The following CCSER1 variants were observed in gnomAD, a reference collection of about 807,000 sequenced individuals.
The protein encoded by CCSER1 is coiled-coil serine rich protein 1.
Under a neutral mutation model 82.0 loss-of-function variants are expected in CCSER1, and 41 were observed. The ratio of observed to expected loss-of-function variants is 0.50; its 90% CI spans 0.39 to 0.65. The LOEUF (loss-of-function observed/expected upper bound fraction) is 0.65. Ranked by LOEUF, CCSER1 falls within the 30% of genes least tolerant of loss-of-function variation. The probability of loss-of-function intolerance (pLI) is 0.00; values close to 1 mark genes in which losing one functional copy is unlikely to be tolerated. For missense variants in CCSER1, 1,119 were observed against 1,064.2 expected, an observed-to-expected ratio of 1.05 and a Z score of -0.72; for synonymous variants, 414 against 383.9, an observed-to-expected ratio of 1.08 and a Z score of -0.92.
At chr4:91,269,682 G>A (rs72877045) in intron 10 of CCSER1, among the ~76,000 whole-genome samples, 2,467 of 152,176 alleles carry the variant, frequency 0.016, 69 homozygotes, top group African/African-American at 0.057. Context: ...CAGAAGTTGA[G>A]CATTCTTCTG....
chr4:91,200,305 A>T (rs1435211316), intron 10 of CCSER1, among the ~76,000 whole-genome samples: 1 of 151,982 alleles, frequency 6.6e-6, no homozygotes, highest in African/African-American at 2.4e-5. Context: ...TTTTTTTTGG[A>T]TGGATCATTT....
chr4:91,576,116 G>A (rs995970623), intron 10 of CCSER1, among the ~76,000 whole-genome samples: 1 of 151,864 alleles, frequency 6.6e-6, no homozygotes, highest in Non-Finnish European at 1.5e-5. Context: ...GTCCACTGAT[G>A]GACGAATGGA....
chr4:90,262,416 T>C (rs1367332190), intron 1 of CCSER1, among the ~76,000 whole-genome samples: 2 of 152,218 alleles, frequency 1.3e-5, no homozygotes, highest in African/African-American at 4.8e-5. Context: ...GTACTTGATG[T>C]GTGGGCAAGT....
At chr4:90,299,187 G>A (rs1191023350) in intron 1 of CCSER1, among the ~76,000 whole-genome samples, 2 of 151,846 alleles carry the variant, frequency 1.3e-5, no homozygotes, top group African/African-American at 2.4e-5. Context: ...CTTCCCTTTT[G>A]TAGCTTTTCC....
intron 10 of CCSER1, among the ~76,000 whole-genome samples, chr4:91,221,723 T>C (rs1198878467): frequency 6.6e-6 from 1 of 152,154 alleles, no homozygotes; most frequent in Non-Finnish European, 1.5e-5. Context: ...TCAGGTTCAC[T>C]GCCAAGCATT....
rs182747052 is a variant in CCSER1 at position 90,888,413 on chromosome 4, A to G, written c.2095-34957A>G. 2.6e-5 allele frequency among the ~76,000 whole-genome samples: 4 copies of G among 152,298 alleles called. No individual in the cohort carries two copies. In the East Asian group the frequency reaches 5.8e-4, roughly 22 times the overall value. ...AAGGGCAAGAGTAGAAAGAGTAGTG[A>G]ACAAGAAGGCAATAAAACAAATTCA... On this transcript the variant is annotated intron_variant, in intron 8 of 10. Coordinates refer to ENST00000509176, the MANE Select transcript of CCSER1 (RefSeq NM_001145065.2).
chr4:90,767,931 G>T (rs571239313), intron 7 of CCSER1, among the ~76,000 whole-genome samples: 3 of 152,154 alleles, frequency 2.0e-5, no homozygotes, highest in Non-Finnish European at 2.9e-5. Flanking sequence ...GGGAGTATAG[G>T]CATGGGCCAC....
intron 5 of CCSER1, among the ~76,000 whole-genome samples, chr4:90,486,104 T>G (rs573025003): frequency 4.6e-5 from 7 of 152,340 alleles, no homozygotes; most frequent in African/African-American, 1.7e-4. Flanking sequence ...TCACTTTTCC[T>G]TGATAGTCAA....
rs186844206 is a variant in CCSER1 at position 91,114,013 on chromosome 4, C to A, written c.2217+28019C>A. 1.7e-3 allele frequency among the ~76,000 whole-genome samples: 257 copies of A among 152,158 alleles called. 3 individuals are homozygous for A. The highest frequency in any genetic ancestry group is 6.0e-3 in the African/African-American group (249 of 41,534). ...GACCACAGGCGCCCACTACCACGCC[C>A]GGCTAATTTTTTGTATTTTTAGTAG... is the stretch of plus-strand genomic sequence containing the variant. On this transcript the variant is annotated intron_variant, in intron 10 of 10. Coordinates refer to ENST00000509176, the MANE Select transcript of CCSER1 (RefSeq NM_001145065.2).
intron 10 of CCSER1, among the ~76,000 whole-genome samples, chr4:91,540,585 T>C (rs759287404): frequency 2.4e-4 from 36 of 152,142 alleles, no homozygotes; most frequent in Non-Finnish European, 3.7e-4. Flanking sequence ...AATTATTTCT[T>C]TTATAGATTG....
At chr4:90,165,495 A>G (rs1318161650) in intron 1 of CCSER1, among the ~76,000 whole-genome samples, 1 of 152,040 alleles carries the variant, frequency 6.6e-6, no homozygotes, top group Admixed American at 6.6e-5. Flanking sequence ...AGAAGACATT[A>G]TATCCTCTTT....
At chr4:90,740,531 C>G (rs1168506026) in intron 7 of CCSER1, among the ~76,000 whole-genome samples, 3 of 152,044 alleles carry the variant, frequency 2.0e-5, no homozygotes, top group East Asian at 1.9e-4. Flanking sequence ...AAAACATTAG[C>G]AAATACTTTC....
intron 10 of CCSER1, among the ~76,000 whole-genome samples, chr4:91,350,191 A>G (rs2149298828): frequency 6.6e-6 from 1 of 152,330 alleles, no homozygotes; most frequent in Admixed American, 6.5e-5. Flanking sequence ...ATCATTAAAA[A>G]TGGCTTAACA....
intron 10 of CCSER1, among the ~76,000 whole-genome samples, chr4:91,505,488 T>C (rs1759437777): frequency 6.6e-6 from 1 of 152,200 alleles, no homozygotes; most frequent in South Asian, 2.1e-4. Context: ...TCAAATGATA[T>C]TTCTGGTTCT....
At chr4:90,529,201 T>C (rs748194360) in intron 5 of CCSER1, among the ~76,000 whole-genome samples, 10 of 152,100 alleles carry the variant, frequency 6.6e-5, no homozygotes, top group Non-Finnish European at 1.2e-4. Context: ...TTGTAATCAC[T>C]ATTTTTTATT....
At chr4:91,067,797 G>A (rs1721000418) in intron 9 of CCSER1, among the ~76,000 whole-genome samples, 1 of 152,178 alleles carries the variant, frequency 6.6e-6, no homozygotes, top group Non-Finnish European at 1.5e-5. Flanking sequence ...ATGAATATTA[G>A]AGAATACCTT....
At chr4:91,518,180 A>T (rs1032889374) in intron 10 of CCSER1, among the ~76,000 whole-genome samples, 4 of 152,200 alleles carry the variant, frequency 2.6e-5, no homozygotes, top group African/African-American at 7.2e-5. Context: ...GCTTGGTAGC[A>T]GCAAAGGAAG....
intron 9 of CCSER1, among the ~76,000 whole-genome samples, chr4:90,977,775 G>C (rs1330705689): frequency 6.6e-6 from 1 of 151,354 alleles, no homozygotes; most frequent in Non-Finnish European, 1.5e-5. Context: ...GTTCTTGTTG[G>C]GCTGGGATAT....
intron 10 of CCSER1, among the ~76,000 whole-genome samples, chr4:91,431,770 T>G (rs1306020082): frequency 6.6e-6 from 1 of 152,182 alleles, no homozygotes; most frequent in Non-Finnish European, 1.5e-5. Context: ...CCCGGCCTCT[T>G]CCCATTTTTA....
Sources: gnomAD v4.1 joint callset for allele counts (sites outside exome capture counted in the v4.1 genomes callset) on GRCh38, gnomAD v4.1.1 for gene constraint, MANE v1.5 for transcripts, NCBI Gene and HGNC (gene_info 2026-07-23, HGNC 2026-07-21) for gene names.